Variants in DCC observed in about 807,000 individuals in gnomAD.
DCC encodes DCC netrin 1 receptor.
Under a neutral mutation model 172.5 loss-of-function variants are expected in DCC, and 58 were observed. The ratio of observed to expected loss-of-function variants is 0.34; its 90% confidence interval spans 0.27 to 0.42. The LOEUF (loss-of-function observed/expected upper bound fraction) is 0.42. Among genes scored for constraint, DCC ranks in the 10% least tolerant of loss-of-function variants. DCC has a pLI of 1.00. For missense variants in DCC, 1,740 were observed against 1,791.0 expected (o/e 0.97, Z 0.51); for synonymous variants, 709 against 644.5 (o/e 1.10, Z -1.52).
At chr18:52,994,665 C>CT (rs2041451434) in intron 5 of DCC, among the ~76,000 whole-genome samples, 1 of 151,988 alleles carries the variant, frequency 6.6e-6, no homozygotes, top group Non-Finnish European at 1.5e-5. Context: ...AATTAGCAAC[C>CT]TTTTTTGACT....
intron 12 of DCC, among the ~76,000 whole-genome samples, chr18:53,217,475 T>G (rs1201549169): frequency 6.6e-6 from 1 of 152,144 alleles, no homozygotes; most frequent in Non-Finnish European, 1.5e-5. Context: ...CTTTTCAGAA[T>G]GAAAATACTA....
chr18:52,883,988 A>G (rs2039533112), intron 2 of DCC, among the ~76,000 whole-genome samples: 1 of 151,616 alleles, frequency 6.6e-6, no homozygotes, highest in South Asian at 2.1e-4. Context: ...TTCTAGGGTA[A>G]AAGTTATTTT....
At chr18:53,067,607 G>T (rs539545390) in intron 7 of DCC, among the ~76,000 whole-genome samples, 1 of 152,078 alleles carries the variant, frequency 6.6e-6, no homozygotes, top group East Asian at 1.9e-4. Flanking sequence ...TTCTTGGGAG[G>T]AGAGACAAAA....
rs767920504 is a variant in DCC at position 53,322,020 on chromosome 18, TC to T, written c.2054-21del. 6.0e-5 allele frequency: 77 copies of T among 1,291,008 alleles called. No homozygotes were observed. In the Middle Eastern group the frequency reaches 9.1e-4, roughly 15 times the overall value. The allele number at this position is 1,291,008 out of a possible 1,614,324, so 80.0% of individuals were successfully genotyped here. On this transcript the variant is annotated intron_variant, in intron 13 of 28. Transcript: ENST00000442544. ...AATACTTGGTGCATAGTAACTTTCT[TC>T]CCCCCTGTGGAAAATTCTTTCATAG...
chr18:53,016,260 A>G (rs2143899835), intron 5 of DCC, among the ~76,000 whole-genome samples: 1 of 152,112 alleles, frequency 6.6e-6, no homozygotes, highest in Non-Finnish European at 1.5e-5. Flanking sequence ...AACCTATTCA[A>G]CCAGAAAGGG....
chr18:53,202,115 CTT>C (rs2055546553), intron 9 of DCC, among the ~76,000 whole-genome samples: 1 of 152,150 alleles, frequency 6.6e-6, no homozygotes, highest in South Asian at 2.1e-4. Flanking sequence ...CAAGTAGCAA[CTT>C]ATACACCTAG....
At chr18:53,227,280 A>T (rs1471347002) in intron 12 of DCC, among the ~76,000 whole-genome samples, 1 of 152,012 alleles carries the variant, frequency 6.6e-6, no homozygotes, top group Non-Finnish European at 1.5e-5. Flanking sequence ...ACTTCTTTAG[A>T]TACTAAACTG....
chr18:52,925,406 C>A, intron 5 of DCC, 36 bp downstream of exon 5: 1 of 1,601,292 alleles, frequency 6.2e-7, no homozygotes, highest in Non-Finnish European at 8.6e-7. Context: ...TATATTGTAC[C>A]TTTCAAAGTA....
intron 21 of DCC, among the ~76,000 whole-genome samples, chr18:53,420,429 TA>T (rs1236922173): frequency 6.6e-6 from 1 of 152,146 alleles, no homozygotes; most frequent in Admixed American, 6.6e-5. Flanking sequence ...GGGATGGTGA[TA>T]ATTCACTGTC....
chr18:53,210,475 A>T (rs896872479), intron 11 of DCC, among the ~76,000 whole-genome samples: 3 of 152,154 alleles, frequency 2.0e-5, no homozygotes, highest in Non-Finnish European at 4.4e-5. Context: ...TATTAATATT[A>T]AATACCCCTA....
intron 2 of DCC, among the ~76,000 whole-genome samples, chr18:52,765,199 A>ATTTTTTTTTTTTTTTT (rs369735420): frequency 1.8e-4 from 22 of 120,104 alleles, no homozygotes; most frequent in Admixed American, 3.5e-4. Flanking sequence ...ACTCCTGGCT[A>ATTTTTTTTTTTTTTTT]ATTTTTTTTT....
chr18:52,475,883 C>A (rs1347796184), intron 1 of DCC, among the ~76,000 whole-genome samples: 1 of 152,204 alleles, frequency 6.6e-6, no homozygotes, highest in Non-Finnish European at 1.5e-5. Context: ...CAACCTCCAT[C>A]TGCTCCCATT....
chr18:52,706,799 C>G (rs2145046732), intron 1 of DCC, among the ~76,000 whole-genome samples: 1 of 152,292 alleles, frequency 6.6e-6, no homozygotes, highest in South Asian at 2.1e-4. Flanking sequence ...CTACTTCACC[C>G]ACTGTAAACA....
At chr18:53,160,351 T>G (rs1042142574) in intron 8 of DCC, among the ~76,000 whole-genome samples, 5 of 152,174 alleles carry the variant, frequency 3.3e-5, no homozygotes, top group African/African-American at 1.2e-4. Context: ...AAACTTTGAT[T>G]TCATAGAGAT....
chr18:52,703,038 A>T (rs1221473218), intron 1 of DCC, among the ~76,000 whole-genome samples: 1 of 152,126 alleles, frequency 6.6e-6, no homozygotes, highest in Non-Finnish European at 1.5e-5. Flanking sequence ...TCTCTACATC[A>T]TCACCTATCT....
intron 1 of DCC, among the ~76,000 whole-genome samples, chr18:52,429,686 T>C (rs1223695180): frequency 6.6e-6 from 1 of 152,196 alleles, no homozygotes; most frequent in Non-Finnish European, 1.5e-5. Flanking sequence ...TTTGAGAATA[T>C]TGTCATTCCA....
At chr18:52,370,144 T>C (rs1029500167) in intron 1 of DCC, among the ~76,000 whole-genome samples, 7 of 152,202 alleles carry the variant, frequency 4.6e-5, no homozygotes, top group Admixed American at 3.9e-4. Context: ...CATGAGATGG[T>C]ATCTCATTGT....
intron 7 of DCC, among the ~76,000 whole-genome samples, chr18:53,119,564 A>G (rs1337672730): frequency 2.0e-5 from 3 of 151,936 alleles, no homozygotes; most frequent in Non-Finnish European, 4.4e-5. Flanking sequence ...ATTATTTCTT[A>G]TTAAAACATT....
At chr18:53,416,754 A>T (rs1458449107) in intron 21 of DCC, among the ~76,000 whole-genome samples, 1 of 152,154 alleles carries the variant, frequency 6.6e-6, no homozygotes. Flanking sequence ...TTGTATAGAG[A>T]AACAGGTAAA....
Sources: allele counts gnomAD v4.1 joint callset (sites outside exome capture counted in the v4.1 genomes callset), GRCh38; gene constraint gnomAD v4.1.1; transcripts MANE v1.5; gene names NCBI Gene and HGNC (gene_info 2026-07-23, HGNC 2026-07-21).